The following NLRP7 variants were observed in gnomAD, a reference collection of about 807,000 sequenced individuals.
The protein encoded by NLRP7 is NACHT, LRR and PYD domains-containing protein 7.
A neutral mutation model predicts 85.5 loss-of-function variants in NLRP7; 72 were observed. The ratio of observed to expected loss-of-function variants is 0.84; its 90% CI spans 0.70 to 1.02. The LOEUF (loss-of-function observed/expected upper bound fraction) is 1.02. Ranked by LOEUF, NLRP7 falls within the 50% of genes least tolerant of loss-of-function variation. The pLI is 0.00. For missense variants in NLRP7, 1,243 were observed against 1,219.5 expected (o/e 1.02, Z -0.29); for synonymous variants, 550 against 505.2 (o/e 1.09, Z -1.19).
At chr19:54,947,372 A>G in intron 1 of NLRP7, 97 bp downstream of exon 1, 1 of 930,002 alleles carries the variant, frequency 1.1e-6, no homozygotes, top group South Asian at 1.4e-5. Context: ...CGCACCAACC[A>G]TTAAGGCTTG....
intron 9 of NLRP7, 75 bp from the exon 11 acceptor site, chr19:54,923,947 C>T: frequency 6.7e-7 from 1 of 1,499,762 alleles, no homozygotes; most frequent in East Asian, 2.3e-5. Context: ...TATCTGTTTT[C>T]AAACACTCAA....
In NLRP7 at chr19:54,936,242, C is replaced by G. The variant is rs781322295; in HGVS notation, c.2300+19G>C. 1 of 1,609,500 alleles carries G rather than the reference C, an allele frequency of 6.2e-7. No homozygotes were observed. The highest frequency in any genetic ancestry group is 8.5e-7 in the Non-Finnish European group (1 of 1,177,430). On this transcript the variant is annotated intron_variant, in intron 6 of 9. Transcript: ENST00000340844. Reference sequence around the variant, plus strand: ...AGTGGACTCCAGGTGCTGGGGAGAGCCGTGACCGTGAGACCCACCTCAGGT... The same window carrying G: ...AGTGGACTCCAGGTGCTGGGGAGAGGCGTGACCGTGAGACCCACCTCAGGT...
intron 1 of NLRP7, among the ~76,000 whole-genome samples, chr19:54,945,884 G>C: frequency 6.6e-6 from 1 of 152,050 alleles, no homozygotes; most frequent in Non-Finnish European, 1.5e-5. Context: ...CCGCCTCCCA[G>C]GTTCACGCCA....
chr19:54,938,730 A>T (rs2069056889), intron 4 of NLRP7, among the ~76,000 whole-genome samples, 158 bp downstream of exon 4: 1 of 152,250 alleles, frequency 6.6e-6, no homozygotes, highest in South Asian at 2.1e-4. Context: ...CGTCTCAAAA[A>T]TAAAAAGCCC....
Position 54,934,430 on chromosome 19 carries a change from C to T in NLRP7, c.2471+59G>A. On this transcript the variant is annotated intron_variant, in intron 7 of 9. Coordinates refer to ENST00000340844, the Ensembl canonical transcript of NLRP7. This position sits in a 1 kb window ranked among gnomAD's most constrained non-coding sequence, Gnocchi z 6.7. ...GTGGCGCAGTAAGTCAGGTGTTACC[C>T]TTTCTCTTCTATAGCCCCAGAACTA... is the stretch of plus-strand genomic sequence containing the variant. 6.4e-7 allele frequency: 1 copy of T among 1,572,358 alleles called. No homozygotes were observed. The highest frequency in any genetic ancestry group is 8.8e-7 in the Non-Finnish European group (1 of 1,141,926).
chr19:54,927,480 T>A (rs1236546470), intron 9 of NLRP7, 125 bp downstream of exon 10: 1 of 860,584 alleles, frequency 1.2e-6, no homozygotes, highest in African/African-American at 1.7e-5. Flanking sequence ...TGCTTGAACC[T>A]GAGAGGCAGA....
At position 54,923,836 on chromosome 19, in the gene NLRP7, C is replaced by G. The variant is rs754015553; in HGVS notation, c.2847G>C (p.Lys949Asn). The stretch of plus-strand genomic sequence containing the variant: ...TCTTTTCTTTCACTTCCTCCAACAG[C>G]TTCTTGATTTCCAAATTAGTTTCAT... The change falls in exon 10 of 10, where the codon AAG (lysine) becomes AAC (asparagine). Residue 949 changes from lysine (K) to asparagine (N), a missense_variant. By Grantham distance (94) the Lys-to-Asn change is moderately conservative. This residue lies in a region of NLRP7 where 613 missense variants were observed against 588.4 expected (regional missense o/e 1.04). Coordinates refer to ENST00000340844, the Ensembl canonical transcript of NLRP7. The G allele has an allele frequency of 5.6e-6, 9 of 1,613,932 alleles. No individual in the cohort carries two copies. The East Asian group carries it at 1.3e-4, about 24-fold the overall frequency.
At chr19:54,963,777 T>C (rs2070159335) in intron 1 of NLRP7, among the ~76,000 whole-genome samples, 1 of 149,726 alleles carries the variant, frequency 6.7e-6, no homozygotes, top group Admixed American at 6.7e-5. Flanking sequence ...TGAGCCAAGA[T>C]TGCGCCACTG....
intron 9 of NLRP7, 98 bp downstream of exon 9, chr19:54,930,401 G>A (rs269949): frequency 0.57 from 459,879 of 812,880 alleles, 132,608 homozygotes; most frequent in East Asian, 0.72. Flanking sequence ...GACCGAAGCC[G>A]CAGTGAGCCG....
chr19:54,925,332 C>A (rs1229505970), intron 9 of NLRP7, among the ~76,000 whole-genome samples: 1 of 152,114 alleles, frequency 6.6e-6, no homozygotes, highest in Non-Finnish European at 1.5e-5. Flanking sequence ...ATGATATACC[C>A]CTAAAACCTT....
At chr19:54,962,068 C>G (rs534700631) in intron 1 of NLRP7, among the ~76,000 whole-genome samples, 6 of 148,058 alleles carry the variant, frequency 4.1e-5, no homozygotes, top group Non-Finnish European at 8.9e-5. Context: ...GAGTCTGAGG[C>G]AGGAGAATCA....
At chr19:54,937,284 T>C (rs887313712) in intron 5 of NLRP7, among the ~76,000 whole-genome samples, 2 of 151,472 alleles carry the variant, frequency 1.3e-5, no homozygotes, top group East Asian at 1.9e-4. Flanking sequence ...GGCTTAATAC[T>C]TGGGTGACAA....
At chr19:54,927,576 CAAAA>C (rs1174611385) in intron 9 of NLRP7, 25 bp downstream of exon 10, 1 of 314,792 alleles carries the variant, frequency 3.2e-6, no homozygotes. Flanking sequence ...AAACAAAAAA[CAAAA>C]CAAAACAAAA....
rs1189617849 is a variant in NLRP7 at position 54,934,615 on chromosome 19, A to G, written c.2345T>C (p.Phe782Ser). The G allele has an allele frequency of 2.5e-6, 4 of 1,614,070 alleles. No individual in the cohort carries two copies. The highest frequency in any genetic ancestry group is 3.4e-6 in the Non-Finnish European group (4 of 1,179,982). ...GGACTGGTTGGCTTTGAGGACATAG[A>G]AGAATTCAGCCCACTGCTCCGGGGT... The change falls in exon 7 of 10, where the codon TTC (phenylalanine) becomes TCC (serine). Residue 782 changes from phenylalanine (F) to serine (S), a missense_variant. This residue lies in a region of NLRP7 where 613 missense variants were observed against 588.4 expected (regional missense o/e 1.04). Coordinates refer to ENST00000340844, the Ensembl canonical transcript of NLRP7. This position sits in a 1 kb window ranked among gnomAD's most constrained non-coding sequence, Gnocchi z 6.7.
At chr19:54,936,274 G>C in exon 6 of NLRP7, 1 of 1,613,360 alleles carries the variant, frequency 6.2e-7, no homozygotes, top group South Asian at 1.1e-5. Flanking sequence ...AGGTACTGCA[G>C]GTTGCATTTA....
chr19:54,923,677 A>G (rs528746582), exon 10 of NLRP7: 1 of 1,586,614 alleles, frequency 6.3e-7, no homozygotes, highest in Non-Finnish European at 8.6e-7. Context: ...ACCTGCATTC[A>G]TAAGACATCT....
exon 10 of NLRP7, chr19:54,923,675 T>G: frequency 6.3e-7 from 1 of 1,574,922 alleles, no homozygotes; most frequent in Admixed American, 1.7e-5. Flanking sequence ...TGACCTGCAT[T>G]CATAAGACAT....
At chr19:54,952,255 G>A (rs1386183012), upstream of NLRP7, among the ~76,000 whole-genome samples, 1 of 151,884 alleles carries the variant, frequency 6.6e-6, no homozygotes, top group Non-Finnish European at 1.5e-5. Context: ...GTCTCCGCCA[G>A]CAGTCAGCAT....
chr19:54,928,353 C>G (rs951867611), intron 9 of NLRP7, among the ~76,000 whole-genome samples: 1 of 152,130 alleles, frequency 6.6e-6, no homozygotes, highest in Non-Finnish European at 1.5e-5. Flanking sequence ...AACATATCAC[C>G]ACTGCATTCC....
Sources: allele counts gnomAD v4.1 joint callset (sites outside exome capture counted in the v4.1 genomes callset), GRCh38; gene constraint gnomAD v4.1.1; regional missense constraint gnomAD v4.1.1; non-coding constraint Gnocchi (gnomAD v3.1); transcripts MANE v1.5; gene names NCBI Gene and HGNC (gene_info 2026-07-23, HGNC 2026-07-21).